The following UBR4 variants were observed in gnomAD, a reference collection of about 807,000 sequenced individuals.
UBR4 encodes the protein ubiquitin protein ligase E3 component n-recognin 4.
A neutral mutation model predicts 575.6 loss-of-function variants in UBR4; 124 were observed. That is an observed-to-expected ratio of 0.22 (90% CI 0.19 to 0.25). The LOEUF is 0.25. Among genes scored for constraint, UBR4 ranks in the 10% least tolerant of loss-of-function variants. The pLI, the probability that UBR4 is intolerant of heterozygous loss-of-function variation, is 1.00. For synonymous variants in UBR4, 2,455 were observed against 2,473.7 expected, an observed-to-expected ratio of 0.99 and a Z score of 0.22; for missense variants, 4,818 against 6,478.8, an observed-to-expected ratio of 0.74 and a Z score of 8.80.
intron 68 of UBR4, among the ~76,000 whole-genome samples, chr1:19,120,669 AGGAG>A (rs2081073981): frequency 6.6e-6 from 1 of 152,176 alleles, no homozygotes; most frequent in South Asian, 2.1e-4. Context: ...ACACTGGAGG[AGGAG>A]GAACTTCCTT....
chr1:19,145,508 GACACACACACACACACAC>G (rs555050832), intron 53 of UBR4, among the ~76,000 whole-genome samples: 1 of 145,002 alleles, frequency 6.9e-6, no homozygotes, highest in Non-Finnish European at 1.5e-5. Context: ...AAACCACTGA[GACACACACACACACACAC>G]ACACACACAC....
chr1:19,143,178 G>C, intron 55 of UBR4, among the ~76,000 whole-genome samples: 1 of 138,124 alleles, frequency 7.2e-6, no homozygotes. Flanking sequence ...AAGGAAGGAA[G>C]AAAAAAGAAA....
At chr1:19,179,369 T>C (rs2090629297) in intron 17 of UBR4, 149 bp from the exon 18 acceptor site, 1 of 849,898 alleles carries the variant, frequency 1.2e-6, no homozygotes, top group Non-Finnish European at 1.6e-6. Context: ...TTGGAATAGT[T>C]TGGATAAAGA....
In UBR4 at chr1:19,152,345, T is replaced by G; in HGVS notation, c.6964A>C (p.Asn2322His). The change falls in exon 47 of 106, where the codon AAT (asparagine) becomes CAT (histidine). Residue 2322 changes from asparagine to histidine, a missense_variant. Physicochemically the swap from Asn to His is moderately conservative, Grantham distance 68. Coordinates refer to ENST00000375254, the MANE Select transcript of UBR4 (RefSeq NM_020765.3). The surrounding 1 kb of genome is among the most constrained non-coding windows in gnomAD (Gnocchi z 4.4). ...TTGGCCACATACATGCCAGTGGAAT[T>G]CAGCCGGTGTTTTATCTGTTGTGCA... is the stretch of plus-strand genomic sequence containing the variant. The part of the protein sequence containing the change: ...YNAQQIKHRL[N>H]STGMYVANTK... 6.2e-7 allele frequency: 1 copy of G among 1,613,988 alleles called. No homozygotes were observed. The highest frequency in any genetic ancestry group is 1.7e-5 in the Admixed American group (1 of 60,020).
intron 68 of UBR4, among the ~76,000 whole-genome samples, chr1:19,120,708 C>G (rs747853239): frequency 2.2e-4 from 33 of 152,210 alleles, no homozygotes; most frequent in Non-Finnish European, 4.4e-4. Context: ...TAGGCCTACA[C>G]AGAGATGTCT....
Position 19,150,847 on chromosome 1 carries a change from T to A in UBR4, c.7214-54A>T, listed in dbSNP as rs956263460. The A allele has an allele frequency of 3.5e-5, 56 of 1,581,612 alleles. No individual in the cohort carries two copies. In the South Asian group the frequency reaches 5.6e-4, roughly 16 times the overall value. On this transcript the variant is annotated intron_variant, in intron 48 of 105. Transcript: ENST00000375254. ...AGCACATTCTCTAAAAAGCCACCCC[T>A]CCAAAGCAAAGACCAGAACAGTTGG...
intron 8 of UBR4, among the ~76,000 whole-genome samples, chr1:19,194,798 T>C (rs1436752971): frequency 1.3e-5 from 2 of 151,610 alleles, no homozygotes; most frequent in Admixed American, 6.6e-5. Context: ...CGAAATGCCA[T>C]CTCAAAAAAA....
chr1:19,165,471 G>T, intron 30 of UBR4, 122 bp from the exon 31 acceptor site: 1 of 1,061,852 alleles, frequency 9.4e-7, no homozygotes, highest in Non-Finnish European at 1.4e-6. Context: ...AATAGCACAA[G>T]GTGTTCATGA....
intron 37 of UBR4, 125 bp downstream of exon 37, chr1:19,161,464 T>C (rs1296531183): frequency 7.6e-7 from 1 of 1,312,040 alleles, no homozygotes; most frequent in East Asian, 2.3e-5. Flanking sequence ...AGATCATCGA[T>C]GAGTGAGCTG....
chr1:19,100,682 C>T lies in UBR4; in HGVS notation c.13024-109G>A. The T allele has an allele frequency of 2.9e-6, 3 of 1,032,374 alleles. No individual in the cohort carries two copies. The highest frequency in any genetic ancestry group is 2.2e-5 in the Admixed American group (1 of 45,582). The allele number at this position is 1,032,374 out of a possible 1,614,324, so 64.0% of individuals were successfully genotyped here. ...AGGAAAACACACCAAACTCAGCAAGCCCCCCAAACATTTAAAGATACAAAG... is the reference window on the plus strand; with the variant it reads ...AGGAAAACACACCAAACTCAGCAAGTCCCCCAAACATTTAAAGATACAAAG... On this transcript the variant is annotated intron_variant, in intron 88 of 105. Coordinates refer to ENST00000375254, the MANE Select transcript of UBR4 (RefSeq NM_020765.3). The surrounding 1 kb of genome is among the most constrained non-coding windows in gnomAD (Gnocchi z 4.2).
chr1:19,169,411 A>T (rs954429796), intron 27 of UBR4, 24 bp downstream of exon 27: 1 of 1,598,124 alleles, frequency 6.3e-7, no homozygotes. Flanking sequence ...CAGTATTTCT[A>T]CCCTGGAACA....
intron 60 of UBR4, among the ~76,000 whole-genome samples, chr1:19,136,274 T>A (rs1416869826): frequency 1.3e-5 from 2 of 152,148 alleles, no homozygotes; most frequent in Non-Finnish European, 2.9e-5. Flanking sequence ...ATGGTAAACA[T>A]ATGAGTAAAA....
chr1:19,139,456 T>G lies in UBR4; in HGVS notation c.8594-236A>C, dbSNP rs184852779. ...ATTGCAAACAGTACTTAGACAGGAGTGAAGAAAACCCAGTTCACTGGGTAT... is the reference window on the plus strand; with the variant it reads ...ATTGCAAACAGTACTTAGACAGGAGGGAAGAAAACCCAGTTCACTGGGTAT... On this transcript the variant is annotated intron_variant, in intron 58 of 105. Transcript: ENST00000375254. The surrounding 1 kb of genome is among the most constrained non-coding windows in gnomAD (Gnocchi z 4.2). Among the ~76,000 whole-genome samples, 275 of 152,172 alleles carry G rather than the reference T, an allele frequency of 1.8e-3. 1 individual carries two copies. The highest frequency in any genetic ancestry group is 6.0e-3 in the African/African-American group (248 of 41,514).
intron 103 of UBR4, 110 bp from the exon 104 acceptor site, chr1:19,078,176 C>T (rs1379213867): frequency 1.2e-5 from 14 of 1,123,700 alleles, no homozygotes; most frequent in Non-Finnish European, 1.7e-5. Context: ...GTATGCATCT[C>T]GGAGTTCCAG....
chr1:19,111,792 G>C (rs1309019794), intron 78 of UBR4: 1 of 152,008 alleles, frequency 6.6e-6, no homozygotes, highest in Admixed American at 6.6e-5. Flanking sequence ...GTCTAATTTT[G>C]TATTTTCAGT....
chr1:19,142,047 G>A (rs1331750257), intron 55 of UBR4, among the ~76,000 whole-genome samples: 1 of 152,162 alleles, frequency 6.6e-6, no homozygotes, highest in African/African-American at 2.4e-5. Context: ...GATTCCAAAG[G>A]GATTTCCATA....
At chr1:19,183,950 C>A in intron 16 of UBR4, 54 bp from the exon 17 acceptor site, 1 of 1,613,864 alleles carries the variant, frequency 6.2e-7, no homozygotes, top group Non-Finnish European at 8.5e-7. Context: ...ATGCACCACA[C>A]CTCCCTGCCA....
At chr1:19,174,477 C>T (rs371643721) in intron 21 of UBR4, 30 bp from the exon 22 acceptor site, 4 of 1,600,268 alleles carry the variant, frequency 2.5e-6, no homozygotes, top group Middle Eastern at 1.6e-4. Context: ...AGAGTCATTT[C>T]CTTACTTTTA....
chr1:19,151,878 C>T lies in UBR4; in HGVS notation c.6997-19G>A. On this transcript the variant is annotated intron_variant, in intron 47 of 105. Coordinates refer to ENST00000375254, the MANE Select transcript of UBR4 (RefSeq NM_020765.3). ...CTCCGGGCTGTAGGGAGACAAGGCACACATCAAGAAACTACAGAAGTTCTT... is the reference window on the plus strand; with the variant it reads ...CTCCGGGCTGTAGGGAGACAAGGCATACATCAAGAAACTACAGAAGTTCTT... 2.6e-6 allele frequency: 4 copies of T among 1,553,832 alleles called. No homozygotes were observed. The highest frequency in any genetic ancestry group is 3.5e-6 in the Non-Finnish European group (4 of 1,152,258).
Sources: allele counts gnomAD v4.1 joint callset (sites outside exome capture counted in the v4.1 genomes callset), GRCh38; gene constraint gnomAD v4.1.1; non-coding constraint Gnocchi (gnomAD v3.1); transcripts MANE v1.5; gene names NCBI Gene and HGNC (gene_info 2026-07-23, HGNC 2026-07-21).